The following PPP2R2B variants were observed in gnomAD, a reference collection of about 807,000 sequenced individuals.
PPP2R2B encodes protein phosphatase 2 regulatory subunit Bbeta.
Under a neutral mutation model 46.0 loss-of-function variants are expected in PPP2R2B, and 5 were observed. That is an observed-to-expected ratio of 0.11 (90% CI 0.06 to 0.23). The LOEUF (loss-of-function observed/expected upper bound fraction) is 0.23. Ranked by LOEUF, PPP2R2B falls within the 10% of genes least tolerant of loss-of-function variation. PPP2R2B has a pLI of 1.00. For missense variants in PPP2R2B, 367 were observed against 575.0 expected, an observed-to-expected ratio of 0.64 and a Z score of 3.70; for synonymous variants, 215 against 206.7, an observed-to-expected ratio of 1.04 and a Z score of -0.34.
intron 5 of PPP2R2B, among the ~76,000 whole-genome samples, chr5:146,687,431 G>T (rs1021406352): frequency 4.6e-5 from 7 of 152,026 alleles, no homozygotes; most frequent in Admixed American, 1.3e-4. Flanking sequence ...ACCCTTTGAG[G>T]TAGCTAGTGC....
intron 2 of PPP2R2B, among the ~76,000 whole-genome samples, chr5:147,068,771 G>T (rs1013921471): frequency 6.6e-6 from 1 of 152,156 alleles, no homozygotes; most frequent in African/African-American, 2.4e-5. Flanking sequence ...TTGGAAAATA[G>T]GCACTTAATA....
At chr5:146,731,915 T>G (rs970373224) in intron 2 of PPP2R2B, among the ~76,000 whole-genome samples, 1 of 152,204 alleles carries the variant, frequency 6.6e-6, no homozygotes, top group South Asian at 2.1e-4. Flanking sequence ...TCTAACTATA[T>G]TGTTAGCTAT....
At chr5:146,892,743 C>T (rs1342566912) in intron 1 of PPP2R2B, among the ~76,000 whole-genome samples, 3 of 152,170 alleles carry the variant, frequency 2.0e-5, no homozygotes, top group South Asian at 4.1e-4. Context: ...AAGCGTCATG[C>T]TATAGCCCTC....
intron 2 of PPP2R2B, among the ~76,000 whole-genome samples, chr5:146,727,517 T>C (rs1005399652): frequency 6.6e-6 from 1 of 152,106 alleles, no homozygotes; most frequent in African/African-American, 2.4e-5. Flanking sequence ...TGGAGACTTC[T>C]AGAAGGTGGG....
chr5:146,857,457 C>T (rs891577631), intron 2 of PPP2R2B, among the ~76,000 whole-genome samples: 2 of 152,082 alleles, frequency 1.3e-5, no homozygotes, highest in Non-Finnish European at 2.9e-5. Flanking sequence ...AAATATCCTG[C>T]TGATGGTGCA....
At chr5:146,706,370 C>T (rs868142638) in intron 2 of PPP2R2B, 1 of 650,494 alleles carries the variant, frequency 1.5e-6, no homozygotes. Context: ...TGTGAGGCCC[C>T]CATAGGCCAA....
chr5:146,749,706 G>A (rs892625529), intron 2 of PPP2R2B, among the ~76,000 whole-genome samples: 1 of 139,436 alleles, frequency 7.2e-6, no homozygotes, highest in Admixed American at 7.8e-5. Context: ...TCACGCCATT[G>A]TCCTGCCTCA....
chr5:146,821,903 C>G (rs1582189683), intron 2 of PPP2R2B, among the ~76,000 whole-genome samples: 1 of 152,264 alleles, frequency 6.6e-6, no homozygotes, highest in African/African-American at 2.4e-5. Context: ...AAAGGAACTA[C>G]TAATATTCAT....
intron 1 of PPP2R2B, among the ~76,000 whole-genome samples, chr5:147,052,238 A>C (rs745339377): frequency 1.1e-4 from 16 of 152,164 alleles, no homozygotes; most frequent in Non-Finnish European, 2.4e-4. Flanking sequence ...TGCATGTAGG[A>C]GTGAATGCTT....
intron 2 of PPP2R2B, among the ~76,000 whole-genome samples, chr5:146,787,851 A>T (rs1755941785): frequency 6.6e-6 from 1 of 152,204 alleles, no homozygotes; most frequent in African/African-American, 2.4e-5. Context: ...TACAGGCGTG[A>T]GCCACCATGT....
chr5:146,608,073 AG>A (rs1241841026), intron 7 of PPP2R2B, among the ~76,000 whole-genome samples: 1 of 152,228 alleles, frequency 6.6e-6, no homozygotes, highest in Non-Finnish European at 1.5e-5. Context: ...AAAAAAGAAA[AG>A]TTGTGAGTCA....
intron 2 of PPP2R2B, among the ~76,000 whole-genome samples, chr5:146,869,789 G>A (rs1300081907): frequency 1.3e-5 from 2 of 152,168 alleles, no homozygotes; most frequent in Admixed American, 6.5e-5. Context: ...CATAAAGGCA[G>A]AGGGAAATGT....
At chr5:147,030,253 A>C (rs1755717666) in intron 1 of PPP2R2B, among the ~76,000 whole-genome samples, 1 of 152,166 alleles carries the variant, frequency 6.6e-6, no homozygotes, top group African/African-American at 2.4e-5. Flanking sequence ...TGCTCTTATA[A>C]ATGATATAAC....
At chr5:147,069,783 C>CTTTTTTTTTTTTTTTTTTTTTTTTTTT (rs1561611794) in intron 2 of PPP2R2B, among the ~76,000 whole-genome samples, 1 of 48,436 alleles carries the variant, frequency 2.1e-5, no homozygotes, top group African/African-American at 8.9e-5. Flanking sequence ...ACATTTTATA[C>CTTTTTTTTTTTTTTTTTTTTTTTTTTT]TGTTTTTTTT....
Position 146,878,731 on chromosome 5 carries a change from G to GCTGCTGCTT in PPP2R2B, c.-266_-265insAAGCAGCAG. The GCTGCTGCTT allele has an allele frequency of 7.9e-7, 1 of 1,265,846 alleles. No individual in the cohort carries two copies. Among genetic ancestry groups the GCTGCTGCTT allele is most frequent in the South Asian group, 1.3e-5 (1 of 78,436 alleles). 78.4% of individuals were successfully genotyped at this position (1,265,846 alleles called of 1,614,324 possible). Reference sequence around the variant, plus strand: ...CACCCACACGCGCGCACTCGCAGCTGCTGCTGCTGCTGCTGCTGCTGCTGC... The same window carrying GCTGCTGCTT: ...CACCCACACGCGCGCACTCGCAGCTGCTGCTGCTTCTGCTGCTGCTGCTGCTGCTGCTGC... On this transcript the variant is annotated 5_prime_UTR_variant, in exon 1 of 10. Coordinates refer to ENST00000394411, the MANE Select transcript of PPP2R2B (RefSeq NM_181675.4). The surrounding 1 kb of genome is among the most constrained non-coding windows in gnomAD (Gnocchi z 4.5).
chr5:146,850,560 T>C (rs540576025), intron 2 of PPP2R2B, among the ~76,000 whole-genome samples: 6 of 152,290 alleles, frequency 3.9e-5, no homozygotes, highest in Admixed American at 3.3e-4. Flanking sequence ...AAAGCCCTTG[T>C]ACATGCAGTT....
intron 2 of PPP2R2B, among the ~76,000 whole-genome samples, chr5:146,711,612 A>G (rs1385109823): frequency 3.3e-5 from 5 of 152,182 alleles, no homozygotes; most frequent in East Asian, 1.9e-4. Flanking sequence ...CCTACTTGGG[A>G]GAGGGCATGG....
At chr5:147,010,526 G>GGTGT (rs1358698881) in intron 1 of PPP2R2B, among the ~76,000 whole-genome samples, 3 of 152,100 alleles carry the variant, frequency 2.0e-5, no homozygotes, top group African/African-American at 7.2e-5. Flanking sequence ...ATCCTCATAA[G>GGTGT]GTGTGTGCAA....
At chr5:146,695,899 A>G (rs1416714709) in intron 4 of PPP2R2B, among the ~76,000 whole-genome samples, 1 of 152,242 alleles carries the variant, frequency 6.6e-6, no homozygotes, top group Non-Finnish European at 1.5e-5. Context: ...AAATTACATA[A>G]GAACATGGGA....
Sources: allele counts gnomAD v4.1 joint callset (sites outside exome capture counted in the v4.1 genomes callset), GRCh38; gene constraint gnomAD v4.1.1; non-coding constraint Gnocchi (gnomAD v3.1); transcripts MANE v1.5; gene names NCBI Gene and HGNC (gene_info 2026-07-23, HGNC 2026-07-21).